Variants in SLC6A13 observed in about 807,000 individuals in gnomAD.
SLC6A13 encodes the protein sodium- and chloride-dependent GABA transporter 2.
Under a neutral mutation model 72.9 loss-of-function variants are expected in SLC6A13, and 69 were observed. The ratio of observed to expected loss-of-function variants is 0.95; its 90% CI spans 0.78 to 1.16. The LOEUF (loss-of-function observed/expected upper bound fraction) is 1.16, where lower values mean the gene tolerates loss of function less well. Among genes scored for constraint, SLC6A13 ranks in the 50% most tolerant of loss-of-function variants. The pLI is 0.00. For synonymous variants in SLC6A13, 303 were observed against 303.0 expected (o/e 1.00, Z 0.00); for missense variants, 735 against 760.5 (o/e 0.97, Z 0.39).
At position 228,237 on chromosome 12, in the gene SLC6A13, C is replaced by G. The variant is rs1365037165; in HGVS notation, c.832-569G>C. Among the ~76,000 whole-genome samples, 22 of 152,152 alleles carry G rather than the reference C, an allele frequency of 1.4e-4. 1 individual carries two copies. Among genetic ancestry groups the G allele is most frequent in the Admixed American group, 7.9e-4 (12 of 15,278 alleles). ...CCTTGGGAGGGAAAAAAATCACAGT[C>G]CAGCTAAACATAGAGTTCAGTTGTT... is the stretch of plus-strand genomic sequence containing the variant. On this transcript the variant is annotated intron_variant, in intron 7 of 14. Coordinates refer to ENST00000343164, the MANE Select transcript of SLC6A13 (RefSeq NM_016615.5).
At chr12:228,031 G>A (rs987566842) in intron 7 of SLC6A13, among the ~76,000 whole-genome samples, 1 of 152,156 alleles carries the variant, frequency 6.6e-6, no homozygotes, top group African/African-American at 2.4e-5. Flanking sequence ...CCTATGACCA[G>A]TGTGGAGGAA....
rs370006941 is a variant in SLC6A13, at chr12:238,347, C to T, written c.479-337G>A. Reference sequence around the variant, plus strand: ...GCGTCCTGTGCAAAGTCACCACCTTCGAGGAATAATAAGAGGGAAGTGATG... The same window carrying T: ...GCGTCCTGTGCAAAGTCACCACCTTTGAGGAATAATAAGAGGGAAGTGATG... On this transcript the variant is annotated intron_variant, in intron 4 of 14. Transcript: ENST00000343164. 3.1e-5 allele frequency: 41 copies of T among 1,323,646 alleles called. No individual in the cohort carries two copies. In the African/African-American group the frequency reaches 4.3e-4, roughly 14 times the overall value. 82.0% of individuals were successfully genotyped at this position (1,323,646 alleles called of 1,614,324 possible).
Position 260,056 on chromosome 12 carries a change from A to T in SLC6A13, c.-4T>A. ...TGCCTGAGACCCTGCTATCCATCCC[A>T]CCTGGAAAACAAGTGGGATGCTCTG... On this transcript the variant is annotated splice_region_variant and 5_prime_UTR_variant, in exon 2 of 15. Transcript: ENST00000343164. 1 of 1,611,108 alleles carries T rather than the reference A, an allele frequency of 6.2e-7. No homozygotes were observed. Among genetic ancestry groups the T allele is most frequent in the Non-Finnish European group, 8.5e-7 (1 of 1,177,558 alleles).
intron 13 of SLC6A13, 93 bp downstream of exon 13, chr12:222,439 G>A (rs1941249926): frequency 3.1e-6 from 2 of 654,656 alleles, no homozygotes; most frequent in Non-Finnish European, 5.2e-6. Flanking sequence ...AGTTCCTAGG[G>A]AGAAGTCCAT....
intron 6 of SLC6A13, 93 bp from the exon 7 acceptor site, chr12:235,317 A>G (rs1941886936): frequency 7.7e-7 from 1 of 1,303,724 alleles, no homozygotes; most frequent in African/African-American, 1.5e-5. Flanking sequence ...AGAGCTCCTC[A>G]GAAAAGGTCA....
chr12:261,762 C>A (rs370475688), intron 1 of SLC6A13, among the ~76,000 whole-genome samples: 1 of 152,104 alleles, frequency 6.6e-6, no homozygotes, highest in African/African-American at 2.4e-5. Flanking sequence ...CCCGTCTCTA[C>A]GAAAAGTACA....
chr12:233,395 C>T (rs528489371), intron 7 of SLC6A13, among the ~76,000 whole-genome samples: 1 of 152,346 alleles, frequency 6.6e-6, no homozygotes, highest in African/African-American at 2.4e-5. Context: ...CCCCTTCAGG[C>T]AGCAGGCAAC....
chr12:221,069 C>A lies in SLC6A13; in HGVS notation c.1688G>T (p.Arg563Ile), dbSNP rs751862161. The change falls in exon 15 of 15, where the codon AGA (arginine) becomes ATA (isoleucine). Residue 563 changes from arginine (R) to isoleucine (I), a missense_variant and splice_region_variant. By Grantham distance (97) the Arg-to-Ile change is moderately conservative. Coordinates refer to ENST00000343164, the MANE Select transcript of SLC6A13 (RefSeq NM_016615.5). Reference sequence around the variant, plus strand: ...GGCTGGGCACATGAGCTGACGGATTCTCTGCGGGGATAGCAGAGGTGGCTG... The same window carrying A: ...GGCTGGGCACATGAGCTGACGGATTATCTGCGGGGATAGCAGAGGTGGCTG... ...LGTLKGPFRE[R>I]IRQLMCPAED... 1.2e-5 allele frequency: 20 copies of A among 1,600,570 alleles called. No homozygotes were observed. The highest frequency in any genetic ancestry group is 4.5e-5 in the East Asian group (2 of 44,814).
Position 242,597 on chromosome 12 carries a change from T to C in SLC6A13, c.478+17A>G, listed in dbSNP as rs1942204635. The C allele has an allele frequency of 2.5e-6, 4 of 1,610,052 alleles. No homozygotes were observed. Among genetic ancestry groups the C allele is most frequent in the Non-Finnish European group, 3.4e-6 (4 of 1,177,404 alleles). On this transcript the variant is annotated intron_variant, in intron 4 of 14. Transcript: ENST00000343164. ...CAGAACGAGAGGAGGAAGTGGACCC[T>C]TGGGTGAGGACCATACCTGTGTTCC... is the stretch of plus-strand genomic sequence containing the variant.
intron 1 of SLC6A13, among the ~76,000 whole-genome samples, chr12:261,487 AT>A (rs1316394425): frequency 2.0e-5 from 3 of 152,154 alleles, no homozygotes; most frequent in East Asian, 3.8e-4. Context: ...CTCTGCCTTG[AT>A]TTTGCAGAGT....
chr12:240,571 G>C (rs887373334), intron 4 of SLC6A13, among the ~76,000 whole-genome samples: 1 of 152,244 alleles, frequency 6.6e-6, no homozygotes, highest in Non-Finnish European at 1.5e-5. Context: ...GCTTACGATA[G>C]AGCCAGCACT....
rs1185473950 is a variant in SLC6A13 at position 254,642 on chromosome 12, C to T, written c.202+5209G>A. Among the ~76,000 whole-genome samples the T allele has an allele frequency of 6.6e-6, 1 of 152,174 alleles. No homozygotes were observed. Among genetic ancestry groups the T allele is most frequent in the Non-Finnish European group, 1.5e-5 (1 of 68,036 alleles). On this transcript the variant is annotated intron_variant, in intron 2 of 14. Transcript: ENST00000343164. This position sits in a 1 kb window ranked among gnomAD's most constrained non-coding sequence, Gnocchi z 4.4. ...CATTTTCTGTCTCCTCTGCTGGTTT[C>T]CCATCTTCTCCCAGACCCACTAAAG...
chr12:222,927 C>G (rs1209661018), intron 12 of SLC6A13, among the ~76,000 whole-genome samples: 1 of 152,226 alleles, frequency 6.6e-6, no homozygotes, highest in Non-Finnish European at 1.5e-5. Flanking sequence ...GGTCTAGGTA[C>G]AGCTATAACC....
At chr12:235,028 G>A (rs1941870963) in intron 7 of SLC6A13, 62 bp downstream of exon 7, 2 of 1,604,850 alleles carry the variant, frequency 1.2e-6, no homozygotes, top group South Asian at 2.2e-5. Context: ...CAGAGTGCAG[G>A]GAAAGCCTGA....
At chr12:236,929 T>C in intron 6 of SLC6A13, 1 of 455,552 alleles carries the variant, frequency 2.2e-6, no homozygotes, top group Admixed American at 3.3e-5. Flanking sequence ...CAAGATCAGA[T>C]TACCCTGGAG....
At chr12:252,221 A>G (rs908285066) in intron 2 of SLC6A13, among the ~76,000 whole-genome samples, 14 of 152,224 alleles carry the variant, frequency 9.2e-5, no homozygotes, top group African/African-American at 3.4e-4. Flanking sequence ...TGGTGGTATC[A>G]CAATTTTCAT....
chr12:227,365 C>T (rs1330144863), intron 8 of SLC6A13, 200 bp downstream of exon 8: 1 of 503,534 alleles, frequency 2.0e-6, no homozygotes, highest in Non-Finnish European at 2.6e-6. Context: ...AACTATCCCA[C>T]CCTTTCGGAT....
At chr12:239,930 T>C (rs942282281) in intron 4 of SLC6A13, among the ~76,000 whole-genome samples, 7 of 152,116 alleles carry the variant, frequency 4.6e-5, no homozygotes, top group Non-Finnish European at 8.8e-5. Flanking sequence ...ATGTCAACAA[T>C]GTCAAAAAAT....
In SLC6A13 at chr12:224,028, G is replaced by A. The variant is rs142311125; in HGVS notation, c.1275C>T (p.Val425=). 67 of 1,614,034 alleles carry A rather than the reference G, an allele frequency of 4.2e-5. No individual in the cohort carries two copies. Among genetic ancestry groups the A allele is most frequent in the Admixed American group, 1.3e-4 (8 of 60,024 alleles). ...RREVLILGVS[V]VSFLVGLIML... Reference sequence around the variant, plus strand: ...TGATCAGCCCCACAAGGAAGGAGACGACAGATACTCCAAGGATGAGGACTT... The same window carrying A: ...TGATCAGCCCCACAAGGAAGGAGACAACAGATACTCCAAGGATGAGGACTT... Residue 425 remains valine, a synonymous_variant, in exon 11 of 15, where the codon GTC becomes GTT. Coordinates refer to ENST00000343164, the MANE Select transcript of SLC6A13 (RefSeq NM_016615.5).
Sources: gnomAD v4.1 joint callset for allele counts (sites outside exome capture counted in the v4.1 genomes callset) on GRCh38, gnomAD v4.1.1 for gene constraint, Gnocchi (gnomAD v3.1) non-coding constraint, MANE v1.5 for transcripts, NCBI Gene and HGNC (gene_info 2026-07-23, HGNC 2026-07-21) for gene names.